The following LARP4B variants were observed in gnomAD, a reference collection of about 807,000 sequenced individuals.
LARP4B encodes La ribonucleoprotein 4B.
Under a neutral mutation model 89.8 loss-of-function variants are expected in LARP4B, and 12 were observed. The observed-to-expected ratio is 0.13, with a 90% CI of 0.09 to 0.22. The LOEUF is 0.22. Ranked by LOEUF, LARP4B falls within the 10% of genes least tolerant of loss-of-function variation. The pLI, the probability that LARP4B is intolerant of heterozygous loss-of-function variation, is 1.00. For missense variants in LARP4B, 757 were observed against 947.7 expected, an observed-to-expected ratio of 0.80 and a Z score of 2.64; for synonymous variants, 367 against 363.3, an observed-to-expected ratio of 1.01 and a Z score of -0.12.
chr10:830,280 C>T (rs1588873523), intron 9 of LARP4B, among the ~76,000 whole-genome samples: 1 of 152,200 alleles, frequency 6.6e-6, no homozygotes, highest in South Asian at 2.1e-4. Context: ...CTCCACTCCA[C>T]AAAAATGGTT....
At chr10:819,977 C>T (rs1564380708) in intron 14 of LARP4B, 2 of 152,258 alleles carry the variant, frequency 1.3e-5, no homozygotes, top group Admixed American at 6.5e-5. Context: ...CTAACTGCCA[C>T]CTTGCTGTCC....
the LARP4B span, among the ~76,000 whole-genome samples, chr10:945,331 C>T: frequency 2.7e-5 from 4 of 150,016 alleles, no homozygotes; most frequent in East Asian, 2.0e-4. Context: ...TTGCAGTGAA[C>T]GGAGATCACA....
At chr10:982,539 A>G in the LARP4B span, among the ~76,000 whole-genome samples, 1 of 152,238 alleles carries the variant, frequency 6.6e-6, no homozygotes, top group African/African-American at 2.4e-5. Context: ...AAAGCCACAT[A>G]TAGCAGGCAA....
At chr10:957,456 A>G in the LARP4B span, among the ~76,000 whole-genome samples, 2 of 152,090 alleles carry the variant, frequency 1.3e-5, no homozygotes, top group Admixed American at 6.6e-5. Flanking sequence ...GTAAGCCACC[A>G]TATCCAGCCT....
At chr10:878,745 A>G (rs748635894) in intron 3 of LARP4B, among the ~76,000 whole-genome samples, 1 of 152,212 alleles carries the variant, frequency 6.6e-6, no homozygotes, top group Non-Finnish European at 1.5e-5. Context: ...CAGTGATGTG[A>G]CTATTCTCTC....
chr10:977,715 A>G, the LARP4B span, among the ~76,000 whole-genome samples: 1 of 152,206 alleles, frequency 6.6e-6, no homozygotes, highest in African/African-American at 2.4e-5. Context: ...TAGGTATTAT[A>G]AATCACCTAG....
the LARP4B span, among the ~76,000 whole-genome samples, chr10:959,067 G>A: frequency 1.1e-4 from 17 of 152,242 alleles, no homozygotes; most frequent in Middle Eastern, 3.4e-3. Context: ...GGTGGTTGCC[G>A]AGTCCCTGGA....
chr10:844,475 G>A (rs949830875), intron 6 of LARP4B, among the ~76,000 whole-genome samples: 3 of 152,050 alleles, frequency 2.0e-5, no homozygotes, highest in Admixed American at 6.5e-5. Flanking sequence ...CCTTATACAC[G>A]GCCCATCGGT....
chr10:941,458 C>T, the LARP4B span, among the ~76,000 whole-genome samples: 1 of 152,096 alleles, frequency 6.6e-6, no homozygotes, highest in Non-Finnish European at 1.5e-5. Flanking sequence ...GGATTACAGG[C>T]GCCTGCCACC....
At chr10:852,997 G>C (rs59687547) in intron 5 of LARP4B, among the ~76,000 whole-genome samples, 1 of 152,162 alleles carries the variant, frequency 6.6e-6, no homozygotes, top group Non-Finnish European at 1.5e-5. Flanking sequence ...CTTGTTCATG[G>C]ATATTGTTCA....
At chr10:876,123 C>T (rs1000831780) in intron 3 of LARP4B, among the ~76,000 whole-genome samples, 2 of 152,158 alleles carry the variant, frequency 1.3e-5, no homozygotes, top group African/African-American at 2.4e-5. Context: ...CGATGGCTCA[C>T]GCCTGTAATC....
At chr10:927,073 A>G (rs2132062686) in intron 1 of LARP4B, among the ~76,000 whole-genome samples, 1 of 152,312 alleles carries the variant, frequency 6.6e-6, no homozygotes, top group East Asian at 1.9e-4. Context: ...TAAACATGAA[A>G]TACTTTCAAT....
intron 2 of LARP4B, among the ~76,000 whole-genome samples, chr10:884,994 G>A (rs145332755): frequency 1.3e-5 from 2 of 152,154 alleles, no homozygotes; most frequent in African/African-American, 4.8e-5. Flanking sequence ...CCTCTACTAA[G>A]CTACCTCTAC....
At chr10:908,639 C>G (rs116996161) in intron 1 of LARP4B, among the ~76,000 whole-genome samples, 22 of 152,334 alleles carry the variant, frequency 1.4e-4, no homozygotes, top group Non-Finnish European at 2.4e-4. Flanking sequence ...GGGGAGAAAT[C>G]CCCGCACATT....
chr10:848,195 G>A lies in LARP4B; in HGVS notation c.431-3140C>T, dbSNP rs1012053025. Among the ~76,000 whole-genome samples, 12 of 152,028 alleles carry A rather than the reference G, an allele frequency of 7.9e-5. No individual in the cohort carries two copies. The East Asian group carries it at 9.7e-4, about 12-fold the overall frequency. Reference sequence around the variant, plus strand: ...CCCACCAGAAACTCTTGTGATTCCCGGAGCCCTGCCTCGGTGATAGGAACA... The same window carrying A: ...CCCACCAGAAACTCTTGTGATTCCCAGAGCCCTGCCTCGGTGATAGGAACA... On this transcript the variant is annotated intron_variant, in intron 5 of 17. Coordinates refer to ENST00000316157, the MANE Select transcript of LARP4B (RefSeq NM_015155.3).
At chr10:943,984 A>G in the LARP4B span, among the ~76,000 whole-genome samples, 6 of 152,170 alleles carry the variant, frequency 3.9e-5, no homozygotes, top group African/African-American at 1.4e-4. Context: ...ACGGAAGAAC[A>G]TGAATAGCAT....
At chr10:886,949 T>C (rs1408122944) in intron 1 of LARP4B, among the ~76,000 whole-genome samples, 1 of 151,998 alleles carries the variant, frequency 6.6e-6, no homozygotes, top group African/African-American at 2.4e-5. Flanking sequence ...ATTAGCTGGG[T>C]GTGGTGGTGC....
intron 1 of LARP4B, among the ~76,000 whole-genome samples, chr10:906,307 A>G (rs1249266353): frequency 6.6e-6 from 1 of 152,196 alleles, no homozygotes. Context: ...GATACTCCAA[A>G]GTTTTCAAAT....
intron 1 of LARP4B, among the ~76,000 whole-genome samples, chr10:906,837 T>C (rs1836505930): frequency 6.6e-6 from 1 of 152,160 alleles, no homozygotes; most frequent in Non-Finnish European, 1.5e-5. Flanking sequence ...CTGCTCAAGT[T>C]TCTATCCCTG....
Sources: allele counts gnomAD v4.1 joint callset (sites outside exome capture counted in the v4.1 genomes callset), GRCh38; gene constraint gnomAD v4.1.1; transcripts MANE v1.5; gene names NCBI Gene and HGNC (gene_info 2026-07-23, HGNC 2026-07-21).